The following FRMD6 variants were observed in gnomAD, a reference collection of about 807,000 sequenced individuals.
FRMD6 encodes the protein FERM domain containing 6.
Under a neutral mutation model 73.2 loss-of-function variants are expected in FRMD6, and 37 were observed. The observed-to-expected ratio is 0.51, with a 90% CI of 0.39 to 0.66. FRMD6 has a LOEUF of 0.66. Ranked by LOEUF, FRMD6 falls within the 30% of genes least tolerant of loss-of-function variation. The pLI is 0.00. For synonymous variants in FRMD6, 273 were observed against 282.2 expected, an observed-to-expected ratio of 0.97 and a Z score of 0.33; for missense variants, 714 against 780.5, an observed-to-expected ratio of 0.91 and a Z score of 1.02.
intron 2 of FRMD6, among the ~76,000 whole-genome samples, chr14:51,584,748 G>A (rs150973822): frequency 8.6e-4 from 131 of 151,748 alleles, no homozygotes; most frequent in African/African-American, 2.8e-3. Context: ...AGTTTCTTTC[G>A]CTGCCAATCA....
intron 2 of FRMD6, among the ~76,000 whole-genome samples, chr14:51,588,531 A>C (rs1202690518): frequency 1.3e-5 from 2 of 152,184 alleles, no homozygotes; most frequent in Admixed American, 1.3e-4. Context: ...CCCTGCTGAA[A>C]TATCTTCTAC....
chr14:51,593,070 C>T (rs949328009), intron 2 of FRMD6, among the ~76,000 whole-genome samples: 1 of 152,116 alleles, frequency 6.6e-6, no homozygotes, highest in Admixed American at 6.5e-5. Context: ...CAATGCCTTT[C>T]GTAGTTTTTA....
rs1319875185 is a variant in FRMD6, at chr14:51,489,421, G to A, written c.-210+1G>A. On this transcript the variant is annotated splice_donor_variant, in intron 1 of 14. Transcript: ENST00000356218. LOFTEE classifies it low-confidence loss of function (5UTR_SPLICE). ...TGGCTCCTGGTGGCTCCAGCAGCAG[G>A]TAGGAAAAAAATGTTTGTTCTTACC... The A allele has an allele frequency of 1.3e-5, 2 of 152,538 alleles. No individual in the cohort carries two copies. The highest frequency in any genetic ancestry group is 6.5e-5 in the Admixed American group (1 of 15,278). 9.4% of individuals were successfully genotyped at this position (152,538 alleles called of 1,614,324 possible). A position where few individuals can be genotyped will look rare whatever the true frequency, so the allele number is the denominator to read the frequency against.
intron 2 of FRMD6, chr14:51,575,891 A>G (rs1888374633): frequency 6.6e-6 from 1 of 152,236 alleles, no homozygotes; most frequent in Admixed American, 6.5e-5. Context: ...CTTATTGCAG[A>G]CAGTTTCTAG....
intron 2 of FRMD6, among the ~76,000 whole-genome samples, chr14:51,585,948 T>TATATATATATATATAC (rs1431298340): frequency 9.1e-6 from 1 of 110,214 alleles, no homozygotes; most frequent in African/African-American, 3.1e-5. Context: ...TGTATATATA[T>TATATATATATATATAC]ATATATATAT....
chr14:51,497,646 A>T (rs1479388546), intron 1 of FRMD6, among the ~76,000 whole-genome samples: 1 of 152,230 alleles, frequency 6.6e-6, no homozygotes. Flanking sequence ...TATCTAAAAC[A>T]TTATCATTTC....
chr14:51,472,007 G>A, the FRMD6 span, among the ~76,000 whole-genome samples: 1 of 152,128 alleles, frequency 6.6e-6, no homozygotes, highest in South Asian at 2.1e-4. Flanking sequence ...GCCATCTTAG[G>A]GGCAGACACC....
chr14:51,579,011 A>C (rs930523350), intron 2 of FRMD6: 2 of 152,200 alleles, frequency 1.3e-5, no homozygotes, highest in South Asian at 2.1e-4. Context: ...ACAGGCTGGC[A>C]CAAGGTTTGC....
At chr14:51,501,840 A>C (rs1883637775) in intron 1 of FRMD6, among the ~76,000 whole-genome samples, 1 of 152,298 alleles carries the variant, frequency 6.6e-6, no homozygotes, top group African/African-American at 2.4e-5. Flanking sequence ...CACTTCTACC[A>C]ACTGTGTAAA....
chr14:51,635,440 G>T (rs1891515587), intron 2 of FRMD6, among the ~76,000 whole-genome samples: 1 of 152,096 alleles, frequency 6.6e-6, no homozygotes, highest in Admixed American at 6.5e-5. Context: ...GCTTTTCAGG[G>T]ACCCAATGCC....
chr14:51,628,893 T>TG (rs1403106050), intron 2 of FRMD6, among the ~76,000 whole-genome samples: 1 of 146,992 alleles, frequency 6.8e-6, no homozygotes, highest in Non-Finnish European at 1.5e-5. Flanking sequence ...TTTTTTTTTT[T>TG]TGAGACGGAG....
intron 1 of FRMD6, among the ~76,000 whole-genome samples, chr14:51,509,388 G>T (rs569791022): frequency 6.6e-6 from 1 of 151,956 alleles, no homozygotes; most frequent in Non-Finnish European, 1.5e-5. Flanking sequence ...TTAGCCAGGC[G>T]TAGTGGCAGA....
At position 51,645,389 on chromosome 14, in the gene FRMD6, C is replaced by A. The variant is rs1435762074; in HGVS notation, c.-146-44302C>A. ...TTGGAGGCTGCACCAAGTCCTTTAGCCTCAGTGAACTTCCCATGAAATTCC... is the reference window on the plus strand; with the variant it reads ...TTGGAGGCTGCACCAAGTCCTTTAGACTCAGTGAACTTCCCATGAAATTCC... On this transcript the variant is annotated intron_variant, in intron 2 of 14. Transcript: ENST00000356218. Among the ~76,000 whole-genome samples the A allele has an allele frequency of 2.6e-5, 4 of 152,098 alleles. No individual in the cohort carries two copies. The East Asian group carries it at 7.7e-4, about 29-fold the overall frequency.
chr14:51,510,986 C>G (rs894769204), intron 1 of FRMD6, among the ~76,000 whole-genome samples: 1 of 152,014 alleles, frequency 6.6e-6, no homozygotes, highest in African/African-American at 2.4e-5. Context: ...TTTCGCTCCC[C>G]GCCCCCGCCA....
intron 1 of FRMD6, among the ~76,000 whole-genome samples, chr14:51,533,981 A>T (rs1393459489): frequency 1.3e-5 from 2 of 152,216 alleles, no homozygotes; most frequent in Non-Finnish European, 2.9e-5. Flanking sequence ...GGAACAGCAG[A>T]ATTGCAGCTT....
chr14:51,661,274 CAGTATT>C (rs1360725491), intron 1 of FRMD6, among the ~76,000 whole-genome samples: 8 of 152,092 alleles, frequency 5.3e-5, no homozygotes, highest in Non-Finnish European at 1.2e-4. Context: ...TGGGGCATAT[CAGTATT>C]TACAGTTTGT....
chr14:51,723,133 C>G (rs10132621), intron 12 of FRMD6, among the ~76,000 whole-genome samples: 1 of 152,226 alleles, frequency 6.6e-6, no homozygotes, highest in African/African-American at 2.4e-5. Flanking sequence ...GCTTAGAGTT[C>G]ATATACCAAA....
intron 2 of FRMD6, among the ~76,000 whole-genome samples, chr14:51,585,303 A>G (rs6572778): frequency 0.94 from 143,256 of 152,234 alleles, 67,519 homozygotes; most frequent in South Asian, 0.98. Flanking sequence ...TCATACATAT[A>G]CACATACGAC....
the FRMD6 span, among the ~76,000 whole-genome samples, chr14:51,474,222 G>C: frequency 1.3e-5 from 2 of 152,190 alleles, no homozygotes; most frequent in Admixed American, 6.5e-5. Flanking sequence ...GAAAACGCTG[G>C]GGTGCTTATT....
Sources: gnomAD v4.1 joint callset for allele counts (sites outside exome capture counted in the v4.1 genomes callset) on GRCh38, gnomAD v4.1.1 for gene constraint, MANE v1.5 for transcripts, NCBI Gene and HGNC (gene_info 2026-07-23, HGNC 2026-07-21) for gene names.